The following MICAL2 variants were observed in gnomAD, a reference collection of about 807,000 sequenced individuals.
MICAL2 encodes the protein microtubule associated monooxygenase, calponin and LIM domain containing 2.
In MICAL2, 77 loss-of-function variants were observed where a neutral mutation model predicts 127.3. The observed-to-expected ratio is 0.60, with a 90% CI of 0.50 to 0.73. The LOEUF is 0.73. Ranked by LOEUF, MICAL2 falls within the 30% of genes least tolerant of loss-of-function variation. The pLI is 0.00. For synonymous variants in MICAL2, 570 were observed against 551.1 expected, an observed-to-expected ratio of 1.03 and a Z score of -0.48; for missense variants, 1,351 against 1,434.4, an observed-to-expected ratio of 0.94 and a Z score of 0.94.
intron 21 of MICAL2, among the ~76,000 whole-genome samples, chr11:12,246,021 G>T (rs529474196): frequency 1.3e-5 from 2 of 152,360 alleles, no homozygotes; most frequent in South Asian, 4.1e-4. Flanking sequence ...GCCAGGCAAA[G>T]CCTTCTCTTG....
chr11:12,296,777 T>C (rs1863991040), downstream of MICAL2, among the ~76,000 whole-genome samples: 3 of 151,940 alleles, frequency 2.0e-5, no homozygotes, highest in Admixed American at 2.0e-4. Context: ...CTATATTTTT[T>C]CTTTTTTTAA....
intron 29 of MICAL2, chr11:12,308,282 T>C (rs1435737617): frequency 1.3e-5 from 2 of 152,200 alleles, no homozygotes; most frequent in Non-Finnish European, 2.9e-5. Context: ...TGTTTTCATA[T>C]GAATTTTAGA....
At chr11:12,333,586 T>G (rs536949833) in intron 32 of MICAL2, among the ~76,000 whole-genome samples, 4 of 152,218 alleles carry the variant, frequency 2.6e-5, no homozygotes, top group South Asian at 2.1e-4. Context: ...GAAAAAAAAT[T>G]TTGTTGTTTC....
At chr11:12,293,698 G>A, downstream of MICAL2, 2 of 1,614,076 alleles carry the variant, frequency 1.2e-6, no homozygotes, top group Non-Finnish European at 8.5e-7. Context: ...CAAAGCCAGA[G>A]TGGGCAGAGT....
At chr11:12,302,412 T>G (rs1864058091) in intron 29 of MICAL2, among the ~76,000 whole-genome samples, 1 of 152,218 alleles carries the variant, frequency 6.6e-6, no homozygotes, top group South Asian at 2.1e-4. Context: ...TCCACATCCT[T>G]GCCAACACTT....
intron 29 of MICAL2, among the ~76,000 whole-genome samples, chr11:12,302,369 A>G (rs1252085298): frequency 6.6e-6 from 1 of 152,194 alleles, no homozygotes; most frequent in Non-Finnish European, 1.5e-5. Context: ...ACCAATGTAT[A>G]TACTCTCAGC....
At chr11:12,240,667 G>A (rs1223061990) in intron 17 of MICAL2, among the ~76,000 whole-genome samples, 2 of 152,214 alleles carry the variant, frequency 1.3e-5, no homozygotes, top group Non-Finnish European at 2.9e-5. Context: ...GTCCTTGAGT[G>A]GGCAGGAAGC....
At chr11:12,351,077 A>G (rs1939035648) in intron 33 of MICAL2, among the ~76,000 whole-genome samples, 1 of 152,184 alleles carries the variant, frequency 6.6e-6, no homozygotes, top group African/African-American at 2.4e-5. Context: ...TTTAGGACCC[A>G]CTGAGATAAT....
intron 32 of MICAL2, among the ~76,000 whole-genome samples, chr11:12,329,255 T>G (rs2134856321): frequency 6.6e-6 from 1 of 152,364 alleles, no homozygotes; most frequent in East Asian, 1.9e-4. Context: ...TCTTGCTGCC[T>G]GGACTGAGAG....
downstream of MICAL2, chr11:12,294,671 T>G (rs932858362): frequency 6.2e-7 from 1 of 1,614,152 alleles, no homozygotes; most frequent in Admixed American, 1.7e-5. Flanking sequence ...CCTCCAAGAA[T>G]CCAGACAAAG....
intron 32 of MICAL2, among the ~76,000 whole-genome samples, chr11:12,336,155 A>T (rs932251926): frequency 2.0e-5 from 3 of 152,122 alleles, no homozygotes; most frequent in African/African-American, 7.2e-5. Context: ...GTTCTCCTTG[A>T]AGAGGCCCTT....
chr11:12,315,586 T>C (rs1230318933), intron 29 of MICAL2, among the ~76,000 whole-genome samples: 1 of 150,084 alleles, frequency 6.7e-6, no homozygotes, highest in Non-Finnish European at 1.5e-5. Context: ...CTACTTTAAT[T>C]CTCCTGTGGT....
Position 12,314,076 on chromosome 11 carries a change from G to T in MICAL2, c.5213-5620G>T, listed in dbSNP as rs1321339548. On this transcript the variant is annotated intron_variant, in intron 29 of 34. Transcript: ENST00000646065. ...ATGTTACTGTATTATTATATTTAAA[G>T]TGTCTGTCCTATAAGCAACCTATAG... Among the ~76,000 whole-genome samples the T allele has an allele frequency of 5.6e-5, 8 of 142,602 alleles. 1 individual carries two copies. 93.6% of individuals were successfully genotyped at this position (142,602 alleles called of 152,430 possible). A position where few individuals can be genotyped will look rare whatever the true frequency, so the allele number is the denominator to read the frequency against.
downstream of MICAL2, among the ~76,000 whole-genome samples, chr11:12,290,317 G>C (rs1863881121): frequency 6.6e-6 from 1 of 152,152 alleles, no homozygotes; most frequent in Non-Finnish European, 1.5e-5. Context: ...TCTGGGTCAT[G>C]ACCTCGTGAG....
chr11:12,361,658 G>A (rs990819217), downstream of MICAL2, among the ~76,000 whole-genome samples: 26 of 152,332 alleles, frequency 1.7e-4, no homozygotes, highest in African/African-American at 5.8e-4. Context: ...AATTGCAACC[G>A]AGAAAGGAAG....
At chr11:12,202,159 C>A (rs560112661) in intron 3 of MICAL2, among the ~76,000 whole-genome samples, 1 of 152,094 alleles carries the variant, frequency 6.6e-6, no homozygotes, top group East Asian at 1.9e-4. Flanking sequence ...GGCTGCAGAC[C>A]AACTCTCATC....
At chr11:12,130,781 C>A (rs952702560) in intron 1 of MICAL2, among the ~76,000 whole-genome samples, 3 of 151,788 alleles carry the variant, frequency 2.0e-5, no homozygotes, top group African/African-American at 7.2e-5. Context: ...CTTCCTGGCA[C>A]CCCAGCACTT....
In MICAL2 at chr11:12,213,380, A is replaced by G; in HGVS notation, c.817A>G (p.Lys273Glu). 1.2e-6 allele frequency: 2 copies of G among 1,613,974 alleles called. No individual in the cohort carries two copies. The highest frequency in any genetic ancestry group is 8.5e-7 in the Non-Finnish European group (1 of 1,179,898). The stretch of plus-strand genomic sequence containing the variant: ...TGGTGTGGCTTTCATCTTCAATCAG[A>G]AATTTTTTCAGGACCTTAAAGAAGA... Reference protein sequence around the residue: ...ISGVAFIFNQKFFQDLKEETG... With the variant: ...ISGVAFIFNQEFFQDLKEETG... The change falls in exon 7 of 28, where the codon AAA (lysine) becomes GAA (glutamate). Residue 273 changes from lysine to glutamate, a missense_variant. Lys to Glu is a moderately conservative substitution (Grantham distance 56). Around this residue, in one of 2 missense-constraint regions of MICAL2, gnomAD observed 599 missense variants for 714.9 expected, o/e 0.84. Coordinates refer to ENST00000683283, the MANE Select transcript of MICAL2 (RefSeq NM_001282663.2).
intron 32 of MICAL2, among the ~76,000 whole-genome samples, chr11:12,330,408 T>A (rs1864401907): frequency 6.6e-6 from 1 of 152,192 alleles, no homozygotes; most frequent in Admixed American, 6.5e-5. Flanking sequence ...CTATAAAGGT[T>A]GTGAATAACC....
Sources: gnomAD v4.1 joint callset for allele counts (sites outside exome capture counted in the v4.1 genomes callset) on GRCh38, gnomAD v4.1.1 for gene constraint, gnomAD v4.1.1 regional missense constraint, MANE v1.5 for transcripts, NCBI Gene and HGNC (gene_info 2026-07-23, HGNC 2026-07-21) for gene names.